Variants in GARIN3 observed in about 807,000 individuals in gnomAD.
GARIN3 encodes golgi associated RAB2 interactor family member 3, also known as Golgi-associated RAB2 interactor protein 3.
At chr5:157,162,937 C>A in the GARIN3 span, 5 of 1,614,088 alleles carry the variant, frequency 3.1e-6, no homozygotes, top group Admixed American at 1.7e-5. Context: ...GTGATGAGAA[C>A]TTTTCCTACT....
the GARIN3 span, chr5:157,165,679 G>T: frequency 6.2e-7 from 1 of 1,614,210 alleles, no homozygotes; most frequent in Non-Finnish European, 8.5e-7. Context: ...TAGCAAAAGA[G>T]ATCTTCCCGT....
At chr5:157,165,427 A>G in the GARIN3 span, 1 of 1,376,248 alleles carries the variant, frequency 7.3e-7, no homozygotes, top group East Asian at 2.3e-5. Context: ...GTAGTGGCTC[A>G]TTTGGTCCTG....
the GARIN3 span, chr5:157,162,248 C>T: frequency 5.2e-6 from 4 of 775,682 alleles, no homozygotes; most frequent in East Asian, 1.1e-4. Flanking sequence ...CTGGGGTCTC[C>T]AGCTGTAGCA....
At chr5:157,164,967 C>A in the GARIN3 span, among the ~76,000 whole-genome samples, 260 of 152,112 alleles carry the variant, frequency 1.7e-3, 2 homozygotes, top group Non-Finnish European at 2.4e-3. Context: ...TGCATTGAGC[C>A]GAGATCGTGC....
At chr5:157,162,562 T>C in the GARIN3 span, 3 of 1,614,078 alleles carry the variant, frequency 1.9e-6, no homozygotes, top group African/African-American at 4.0e-5. Context: ...CTCTATGTTT[T>C]GCTTCTCCAC....
At chr5:157,162,781 G>T in the GARIN3 span, 1 of 1,614,182 alleles carries the variant, frequency 6.2e-7, no homozygotes, top group Non-Finnish European at 8.5e-7. Context: ...CTTGCGAGAG[G>T]AGCCATGTCG....
chr5:157,165,767 A>C, the GARIN3 span: 2 of 1,613,864 alleles, frequency 1.2e-6, no homozygotes, highest in African/African-American at 2.7e-5. Flanking sequence ...GTTTCTCATG[A>C]TCGTGGATGG....
At chr5:157,165,504 G>A in the GARIN3 span, 9 of 1,546,608 alleles carry the variant, frequency 5.8e-6, no homozygotes, top group Non-Finnish European at 7.8e-6. Context: ...TGTAGGACTG[G>A]CTTTGAACTG....
chr5:157,165,526 A>G, the GARIN3 span: 2 of 1,566,910 alleles, frequency 1.3e-6, no homozygotes, highest in Non-Finnish European at 1.7e-6. Flanking sequence ...TCCCCCAAAG[A>G]ACCTGCCCCA....
chr5:157,164,128 T>C, the GARIN3 span, among the ~76,000 whole-genome samples: 1 of 150,904 alleles, frequency 6.6e-6, no homozygotes, highest in Non-Finnish European at 1.5e-5. Flanking sequence ...CTAAAATCAT[T>C]AAGTCTAAGT....
At chr5:157,166,003 T>A in the GARIN3 span, 3 of 1,614,188 alleles carry the variant, frequency 1.9e-6, no homozygotes, top group Non-Finnish European at 2.5e-6. Context: ...TCTCCCTTTT[T>A]GTTTATCTGA....
chr5:157,164,621 T>G, the GARIN3 span, among the ~76,000 whole-genome samples: 1 of 152,170 alleles, frequency 6.6e-6, no homozygotes, highest in Non-Finnish European at 1.5e-5. Context: ...GCAGGACAGA[T>G]TTCCAGAAGT....
the GARIN3 span, chr5:157,163,123 G>T: frequency 6.2e-7 from 1 of 1,614,182 alleles, no homozygotes; most frequent in Non-Finnish European, 8.5e-7. Context: ...CTTGCTGGTC[G>T]TAATACTGCC....
chr5:157,164,061 A>T, the GARIN3 span, among the ~76,000 whole-genome samples: 1 of 151,970 alleles, frequency 6.6e-6, no homozygotes, highest in South Asian at 2.1e-4. Context: ...GACACTGTTT[A>T]AAAAAAAGAA....
At chr5:157,166,037 T>C in the GARIN3 span, 1 of 1,614,212 alleles carries the variant, frequency 6.2e-7, no homozygotes. Flanking sequence ...CGAACATTGG[T>C]GCATACTTGA....
the GARIN3 span, among the ~76,000 whole-genome samples, chr5:157,164,719 G>A: frequency 2.6e-5 from 4 of 152,172 alleles, no homozygotes; most frequent in Non-Finnish European, 5.9e-5. Context: ...AGGGTGTGCT[G>A]ATTGACACAG....
At chr5:157,166,180 T>C in the GARIN3 span, 1 of 1,595,038 alleles carries the variant, frequency 6.3e-7, no homozygotes, top group Admixed American at 1.7e-5. Context: ...GTTCTCTTCG[T>C]TTAAGACAGC....
chr5:157,165,592 C>G, the GARIN3 span: 1 of 1,613,032 alleles, frequency 6.2e-7, no homozygotes, highest in Non-Finnish European at 8.5e-7. Context: ...TCGGGTGGTG[C>G]GTCCCCAGAT....
chr5:157,162,644 G>A, the GARIN3 span: 13 of 1,614,014 alleles, frequency 8.1e-6, no homozygotes, highest in East Asian at 2.0e-4. Context: ...GTGGCCCTGA[G>A]GCTCCTTAAA....
Sources: gnomAD v4.1 joint callset for allele counts (sites outside exome capture counted in the v4.1 genomes callset) on GRCh38, gnomAD v4.1.1 for gene constraint, MANE v1.5 for transcripts, NCBI Gene and HGNC (gene_info 2026-07-23, HGNC 2026-07-21) for gene names.